The following ARRDC4 variants were observed in gnomAD, a reference collection of about 807,000 sequenced individuals.
ARRDC4 encodes the protein arrestin domain containing 4.
Under a neutral mutation model 44.6 loss-of-function variants are expected in ARRDC4, and 40 were observed. The observed-to-expected ratio is 0.90, with a 90% CI of 0.70 to 1.17. The LOEUF (loss-of-function observed/expected upper bound fraction) is 1.17, where lower values mean the gene tolerates loss of function less well. Ranked by LOEUF, ARRDC4 falls within the 50% of genes most tolerant of loss-of-function variation. ARRDC4 has a pLI of 0.00. For synonymous variants in ARRDC4, 211 were observed against 221.2 expected (o/e 0.95, Z 0.41); for missense variants, 550 against 559.1 (o/e 0.98, Z 0.16).
rs370743915 is a variant in ARRDC4 at position 97,969,168 on chromosome 15, G to A, written c.671G>A (p.Arg224His). ...GCAGAAATAGAAAATTGTTCCTCTC[G>A]TCTGATTGTTCCAAAGGCTGCTATT... The part of the protein sequence containing the change: ...IYAEIENCSS[R>H]LIVPKAAIFQ... Residue 224 changes from arginine (R) to histidine (H), a missense_variant, in exon 5 of 8, where the codon CGT becomes CAT. Coordinates refer to ENST00000268042, the MANE Select transcript of ARRDC4 (RefSeq NM_183376.3). The A allele has an allele frequency of 5.0e-5, 80 of 1,613,678 alleles. No homozygotes were observed. The highest frequency in any genetic ancestry group is 5.7e-5 in the Non-Finnish European group (67 of 1,179,840).
In ARRDC4 at chr15:97,966,762, T is replaced by C. The variant is rs1899424478; in HGVS notation, c.522+720T>C. Among the ~76,000 whole-genome samples, 1 of 152,248 alleles carries C rather than the reference T, an allele frequency of 6.6e-6. No individual in the cohort carries two copies. Among genetic ancestry groups the C allele is most frequent in the South Asian group, 2.1e-4 (1 of 4,828 alleles). ...TATAAAATTATACCTTGTACTTTCA[T>C]GATAGCTACTAGGACCTAATGGTTC... On this transcript the variant is annotated intron_variant, in intron 3 of 7. Coordinates refer to ENST00000268042, the MANE Select transcript of ARRDC4 (RefSeq NM_183376.3). The surrounding 1 kb of genome is among the most constrained non-coding windows in gnomAD (Gnocchi z 4.7).
Position 97,970,580 on chromosome 15 carries a change from C to A in ARRDC4, c.1046-9C>A. On this transcript the variant is annotated splice_polypyrimidine_tract_variant and intron_variant, in intron 6 of 7. Coordinates refer to ENST00000268042, the MANE Select transcript of ARRDC4 (RefSeq NM_183376.3). The surrounding 1 kb of genome is among the most constrained non-coding windows in gnomAD (Gnocchi z 4.2). ...GGATTTCTTAACTCCAACTTCATTT[C>A]TATTTCAGCACCACCAAATTATGCA... 1 of 1,594,954 alleles carries A rather than the reference C, an allele frequency of 6.3e-7. No individual in the cohort carries two copies. The highest frequency in any genetic ancestry group is 8.6e-7 in the Non-Finnish European group (1 of 1,168,038).
rs1899305644 is a variant in ARRDC4 at position 97,961,073 on chromosome 15, C to G, written c.212C>G (p.Thr71Ser). 7.0e-7 allele frequency: 1 copy of G among 1,434,074 alleles called. No homozygotes were observed. The highest frequency in any genetic ancestry group is 2.8e-5 in the Admixed American group (1 of 35,714). 88.8% of individuals were successfully genotyped at this position (1,434,074 alleles called of 1,614,324 possible). The part of the protein sequence containing the change: ...GRATAAWGPS[T>S]CPRASASTAA... ...GCCACCGCCGCCTGGGGCCCGAGCA[C>G]CTGCCCCCGCGCCTCGGCCAGCACC... The change falls in exon 1 of 8, where the codon ACC (threonine) becomes AGC (serine). Residue 71 changes from threonine (T) to serine (S), a missense_variant. By Grantham distance (58) the Thr-to-Ser change is moderately conservative. Coordinates refer to ENST00000268042, the MANE Select transcript of ARRDC4 (RefSeq NM_183376.3).
At chr15:97,969,057 T>A in intron 4 of ARRDC4, 66 bp from the exon 5 acceptor site, 1 of 1,535,362 alleles carries the variant, frequency 6.5e-7, no homozygotes, top group Non-Finnish European at 8.9e-7. Context: ...TATACGGCCC[T>A]AATCCATTGT....
In ARRDC4 at chr15:97,973,722, T is replaced by G. The variant is rs140666725; in HGVS notation, c.*2535T>G. ...TTTTGGTAAGTTAACTATGAAAGCT[T>G]TCTTATTTTTATTATTAAAAATGTA... On this transcript the variant is annotated 3_prime_UTR_variant, in exon 8 of 8. Coordinates refer to ENST00000268042, the MANE Select transcript of ARRDC4 (RefSeq NM_183376.3). 4.6e-5 allele frequency: 7 copies of G among 152,574 alleles called. 1 individual carries two copies. Among genetic ancestry groups the G allele is most frequent in the Non-Finnish European group, 1.0e-4 (7 of 68,004 alleles). 9.5% of individuals were successfully genotyped at this position (152,574 alleles called of 1,614,324 possible).
At chr15:97,961,577 T>C (rs566536057) in intron 1 of ARRDC4, among the ~76,000 whole-genome samples, 323 of 152,334 alleles carry the variant, frequency 2.1e-3, no homozygotes, top group Admixed American at 3.3e-3. Context: ...CACTCCTCCC[T>C]ATCCTGCATA....
At chr15:97,961,192 G>A (rs1567192442) in intron 1 of ARRDC4, 24 bp downstream of exon 1, 2 of 1,382,320 alleles carry the variant, frequency 1.4e-6, no homozygotes, top group Non-Finnish European at 1.9e-6. Flanking sequence ...AGCGCCTGGG[G>A]TTCCCCCGCC....
chr15:97,970,406 G>A lies in ARRDC4; in HGVS notation c.1046-183G>A, dbSNP rs1181457609. ...CAAGAGACTAGAATAGAAGCTATTAGTAGTAGTTTAATAAAAGGAGAATCT... is the reference window on the plus strand; with the variant it reads ...CAAGAGACTAGAATAGAAGCTATTAATAGTAGTTTAATAAAAGGAGAATCT... On this transcript the variant is annotated intron_variant, in intron 6 of 7. Transcript: ENST00000268042. The surrounding 1 kb of genome is among the most constrained non-coding windows in gnomAD (Gnocchi z 4.2). Among the ~76,000 whole-genome samples the A allele has an allele frequency of 6.6e-6, 1 of 152,144 alleles. No homozygotes were observed. The highest frequency in any genetic ancestry group is 6.5e-5 in the Admixed American group (1 of 15,274).
intron 5 of ARRDC4, 115 bp from the exon 6 acceptor site, chr15:97,969,768 T>C: frequency 1.1e-6 from 1 of 928,356 alleles, no homozygotes; most frequent in Non-Finnish European, 1.6e-6. Flanking sequence ...ATGGGGGTGG[T>C]GGCAGCCGAC....
In ARRDC4 at chr15:97,965,681, A is replaced by G. The variant is rs767684405; in HGVS notation, c.374+15A>G. ...CTTCCATCTGAGTAAGTGAAACACTACAATTTTGTGGTTATCCTTCTCTGC... is the reference window on the plus strand; with the variant it reads ...CTTCCATCTGAGTAAGTGAAACACTGCAATTTTGTGGTTATCCTTCTCTGC... On this transcript the variant is annotated intron_variant, in intron 2 of 7. Coordinates refer to ENST00000268042, the MANE Select transcript of ARRDC4 (RefSeq NM_183376.3). The surrounding 1 kb of genome is among the most constrained non-coding windows in gnomAD (Gnocchi z 5.1). 9 of 1,609,782 alleles carry G rather than the reference A, an allele frequency of 5.6e-6. No homozygotes were observed. Among genetic ancestry groups the G allele is most frequent in the Non-Finnish European group, 7.7e-6 (9 of 1,176,078 alleles).
In ARRDC4 at chr15:97,973,450, G is replaced by C. The variant is rs1899548259; in HGVS notation, c.*2263G>C. ...TTGAAGATATCATTTTATGAATGTG[G>C]AGAATTCTACATTGAAACAGAAAAT... is the stretch of plus-strand genomic sequence containing the variant. On this transcript the variant is annotated 3_prime_UTR_variant, in exon 8 of 8. Coordinates refer to ENST00000268042, the MANE Select transcript of ARRDC4 (RefSeq NM_183376.3). 1 of 152,454 alleles carries C rather than the reference G, an allele frequency of 6.6e-6. No individual in the cohort carries two copies. The highest frequency in any genetic ancestry group is 6.5e-5 in the Admixed American group (1 of 15,282). The allele number at this position is 152,454 out of a possible 1,614,324, so 9.4% of individuals were successfully genotyped here. A position where few individuals can be genotyped will look rare whatever the true frequency, so the allele number is the denominator to read the frequency against.
At position 97,965,697 on chromosome 15, in the gene ARRDC4, C is replaced by A; in HGVS notation, c.374+31C>A. ...TGAAACACTACAATTTTGTGGTTAT[C>A]CTTCTCTGCAGTATGTCCATTCAAG... On this transcript the variant is annotated intron_variant, in intron 2 of 7. Transcript: ENST00000268042. The surrounding 1 kb of genome is among the most constrained non-coding windows in gnomAD (Gnocchi z 5.1). The A allele has an allele frequency of 6.3e-7, 1 of 1,592,404 alleles. No homozygotes were observed. The highest frequency in any genetic ancestry group is 8.6e-7 in the Non-Finnish European group (1 of 1,160,332).
rs3169160 is a variant in ARRDC4, at chr15:97,971,810, C to T, written c.*623C>T. On this transcript the variant is annotated 3_prime_UTR_variant, in exon 8 of 8. Transcript: ENST00000268042. ...GTAGACTAAAATATAGTTTATAAAT[C>T]GGCAGTACGGTATTATGAAACCAAG... 0.23 allele frequency: 34,654 copies of T among 152,206 alleles called. 4,590 individuals carry two copies. The highest frequency in any genetic ancestry group is 0.36 in the African/African-American group (14,952 of 41,420). The allele number at this position is 152,206 out of a possible 1,614,324, so 9.4% of individuals were successfully genotyped here. A position where few individuals can be genotyped will look rare whatever the true frequency, so the allele number is the denominator to read the frequency against.
In ARRDC4 at chr15:97,965,120, TGTGA is replaced by T. The variant is rs1282581583; in HGVS notation, c.308-476_308-473del. ...AATGGAATATATGTGTGTATGTATG[TGTGA>T]GTGTTATGGTACTTGGTAAAAACTG... On this transcript the variant is annotated intron_variant, in intron 1 of 7. Transcript: ENST00000268042. The surrounding 1 kb of genome is among the most constrained non-coding windows in gnomAD (Gnocchi z 5.1). Among the ~76,000 whole-genome samples the T allele has an allele frequency of 6.6e-6, 1 of 152,204 alleles. No homozygotes were observed. The highest frequency in any genetic ancestry group is 1.5e-5 in the Non-Finnish European group (1 of 68,052).
intron 1 of ARRDC4, among the ~76,000 whole-genome samples, chr15:97,964,372 C>G (rs1243013138): frequency 1.3e-5 from 2 of 151,830 alleles, no homozygotes; most frequent in African/African-American, 4.8e-5. Context: ...TCTCTGTGTT[C>G]CGATTTCTTC....
In ARRDC4 at chr15:97,971,765, CA is replaced by C. The variant is rs1899519671; in HGVS notation, c.*579del. ...CATATGAGGTCCTAATGAAGTACTA[CA>C]GTTTTCATTCTTTCAAGGGTAGACT... On this transcript the variant is annotated 3_prime_UTR_variant, in exon 8 of 8. Coordinates refer to ENST00000268042, the MANE Select transcript of ARRDC4 (RefSeq NM_183376.3). 1 of 152,962 alleles carries C rather than the reference CA, an allele frequency of 6.5e-6. No homozygotes were observed. Among genetic ancestry groups the C allele is most frequent in the African/African-American group, 2.4e-5 (1 of 41,408 alleles). The allele number at this position is 152,962 out of a possible 1,614,324, so 9.5% of individuals were successfully genotyped here.
chr15:97,970,477 GAA>G lies in ARRDC4; in HGVS notation c.1046-111_1046-110del, dbSNP rs1390603258. On this transcript the variant is annotated intron_variant, in intron 6 of 7. Transcript: ENST00000268042. The surrounding 1 kb of genome is among the most constrained non-coding windows in gnomAD (Gnocchi z 4.2). ...TAAAACCTTGCTGATTAGAGGGAAA[GAA>G]TGCCATATTTTTTATCTTCAAGTTT... The G allele has an allele frequency of 8.7e-7, 1 of 1,146,320 alleles. No homozygotes were observed. The highest frequency in any genetic ancestry group is 1.2e-6 in the Non-Finnish European group (1 of 819,100). 71.0% of individuals were successfully genotyped at this position (1,146,320 alleles called of 1,614,324 possible). A position where few individuals can be genotyped will look rare whatever the true frequency, so the allele number is the denominator to read the frequency against.
Position 97,966,042 on chromosome 15 carries a change from A to G in ARRDC4, c.522A>G (p.Leu174=). The part of the protein sequence containing the change: ...SHVDVNTPAL[L]TPVLKTQEKM... ...TCGATGTCAACACACCAGCATTATT[A>G]GTAAGTTCTTCCTTTTTCTCTTCCT... Residue 174 remains leucine, a splice_region_variant and synonymous_variant, in exon 3 of 8, where the codon TTA becomes TTG. Transcript: ENST00000268042. This position sits in a 1 kb window ranked among gnomAD's most constrained non-coding sequence, Gnocchi z 4.7. 6.2e-7 allele frequency: 1 copy of G among 1,614,016 alleles called. No homozygotes were observed.
At chr15:97,961,315 A>C (rs528516961) in intron 1 of ARRDC4, 147 bp downstream of exon 1, 1 of 750,016 alleles carries the variant, frequency 1.3e-6, no homozygotes. Flanking sequence ...CTCGCGGGTA[A>C]GGAGAGACCG....
Sources: allele counts gnomAD v4.1 joint callset (sites outside exome capture counted in the v4.1 genomes callset), GRCh38; gene constraint gnomAD v4.1.1; non-coding constraint Gnocchi (gnomAD v3.1); transcripts MANE v1.5; gene names NCBI Gene and HGNC (gene_info 2026-07-23, HGNC 2026-07-21).